ARPP21: variants seen among roughly 807,000 people sequenced by gnomAD.
ARPP21 encodes the protein cAMP-regulated phosphoprotein 21.
Under a neutral mutation model 113.2 loss-of-function variants are expected in ARPP21, and 69 were observed. The ratio of observed to expected loss-of-function variants is 0.61; its 90% CI spans 0.50 to 0.74. The LOEUF is 0.74. ARPP21 is among the 30% of genes least tolerant of loss of function. The pLI is 0.00. For missense variants in ARPP21, 1,070 were observed against 1,037.4 expected (o/e 1.03, Z -0.43); for synonymous variants, 368 against 375.5 (o/e 0.98, Z 0.23).
At chr3:35,758,015 T>G (rs1050474055) in intron 19 of ARPP21, among the ~76,000 whole-genome samples, 2 of 152,154 alleles carry the variant, frequency 1.3e-5, no homozygotes, top group African/African-American at 4.8e-5. Context: ...GAATCAACTG[T>G]GTTTTTACAT....
intron 15 of ARPP21, among the ~76,000 whole-genome samples, chr3:35,735,757 A>T (rs2094311087): frequency 6.6e-6 from 1 of 152,214 alleles, no homozygotes; most frequent in Non-Finnish European, 1.5e-5. Context: ...CAACTTGTGA[A>T]CAAATATTCC....
chr3:35,717,454 ATT>A (rs2092571313), intron 13 of ARPP21, 97 bp downstream of exon 13: 2 of 789,364 alleles, frequency 2.5e-6, no homozygotes, highest in Non-Finnish European at 2.2e-6. Flanking sequence ...ATATCTGTTC[ATT>A]TAAAAAAGTC....
intron 1 of ARPP21, among the ~76,000 whole-genome samples, chr3:35,646,214 C>A (rs1169276844): frequency 6.6e-6 from 1 of 151,962 alleles, no homozygotes; most frequent in Non-Finnish European, 1.5e-5. Context: ...CCCATAAATT[C>A]AATGGAAAAA....
At chr3:35,736,275 G>T (rs766765799) in intron 15 of ARPP21, among the ~76,000 whole-genome samples, 7 of 152,106 alleles carry the variant, frequency 4.6e-5, no homozygotes, top group Non-Finnish European at 1.0e-4. Flanking sequence ...AAATCGGTTT[G>T]TTCTCTCCTT....
intron 1 of ARPP21, among the ~76,000 whole-genome samples, chr3:35,645,122 A>T (rs1369530597): frequency 1.3e-5 from 2 of 151,902 alleles, no homozygotes; most frequent in Non-Finnish European, 2.9e-5. Context: ...TGTTCCTGTT[A>T]TCTAGCAAAA....
At chr3:35,673,729 GA>G (rs1335352225) in intron 1 of ARPP21, among the ~76,000 whole-genome samples, 1 of 151,716 alleles carries the variant, frequency 6.6e-6, no homozygotes, top group Non-Finnish European at 1.5e-5. Context: ...AACTTTCTTT[GA>G]GAAAGGTTTT....
At chr3:35,716,713 G>A (rs760241583) in intron 12 of ARPP21, among the ~76,000 whole-genome samples, 18 of 151,962 alleles carry the variant, frequency 1.2e-4, no homozygotes, top group African/African-American at 2.7e-4. Context: ...TTATTCTCTC[G>A]TCTTCTAGCC....
chr3:35,705,539 G>C (rs2088556892), intron 9 of ARPP21, among the ~76,000 whole-genome samples: 1 of 152,094 alleles, frequency 6.6e-6, no homozygotes, highest in African/African-American at 2.4e-5. Flanking sequence ...TCTTTATCTT[G>C]AGGTTTGAGG....
intron 10 of ARPP21, 75 bp from the exon 11 acceptor site, chr3:35,708,894 A>T: frequency 1.1e-6 from 1 of 926,942 alleles, no homozygotes; most frequent in Non-Finnish European, 1.7e-6. Context: ...TATTATTCTT[A>T]GCTGACAGTT....
chr3:35,661,227 C>T (rs1707665032), intron 1 of ARPP21, among the ~76,000 whole-genome samples: 1 of 152,196 alleles, frequency 6.6e-6, no homozygotes, highest in Non-Finnish European at 1.5e-5. Flanking sequence ...CCTTGTAAAA[C>T]ATCAAATACA....
intron 9 of ARPP21, among the ~76,000 whole-genome samples, chr3:35,695,758 TA>T (rs1487545503): frequency 1.3e-5 from 2 of 151,548 alleles, no homozygotes; most frequent in Non-Finnish European, 3.0e-5. Context: ...GAACATAAGA[TA>T]AAAATCTCTA....
chr3:35,715,520 C>T (rs1257403591), intron 12 of ARPP21, 44 bp downstream of exon 12: 2 of 1,484,892 alleles, frequency 1.3e-6, no homozygotes, highest in Non-Finnish European at 1.9e-6. Context: ...GGAACAACGT[C>T]TGTCATGTGT....
At chr3:35,727,328 A>G (rs1376419672) in intron 14 of ARPP21, among the ~76,000 whole-genome samples, 1 of 152,224 alleles carries the variant, frequency 6.6e-6, no homozygotes, top group Non-Finnish European at 1.5e-5. Flanking sequence ...TTATCTAGCT[A>G]TATCTAGCTG....
intron 1 of ARPP21, among the ~76,000 whole-genome samples, chr3:35,670,219 G>T (rs931076431): frequency 3.3e-5 from 5 of 151,990 alleles, no homozygotes; most frequent in Admixed American, 6.6e-5. Context: ...TTTGACTCTG[G>T]CTTGCTAGGA....
chr3:35,738,073 C>A (rs1243413240), intron 16 of ARPP21, 141 bp from the exon 17 acceptor site: 2 of 587,404 alleles, frequency 3.4e-6, no homozygotes, highest in African/African-American at 3.7e-5. Context: ...TCTTTCAGAG[C>A]CTTGACTTTC....
chr3:35,759,794 G>A (rs116344191), intron 19 of ARPP21, among the ~76,000 whole-genome samples: 7,805 of 151,518 alleles, frequency 0.052, 636 homozygotes, highest in African/African-American at 0.18. Flanking sequence ...GATTTCTTCC[G>A]AAGCGTTTCT....
intron 15 of ARPP21, among the ~76,000 whole-genome samples, chr3:35,734,265 G>A (rs1003626298): frequency 1.2e-4 from 18 of 152,172 alleles, no homozygotes; most frequent in Middle Eastern, 3.4e-3. Flanking sequence ...TTAAAGATTA[G>A]AACACTAAAT....
chr3:35,654,609 A>T (rs1316496334), intron 1 of ARPP21, among the ~76,000 whole-genome samples: 7 of 152,108 alleles, frequency 4.6e-5, no homozygotes, highest in African/African-American at 1.7e-4. Flanking sequence ...CAAGCAAACC[A>T]AACACCTGGA....
intron 19 of ARPP21, among the ~76,000 whole-genome samples, chr3:35,790,896 G>A (rs1231501300): frequency 1.3e-5 from 2 of 152,166 alleles, no homozygotes; most frequent in East Asian, 3.9e-4. Context: ...GACACATAAG[G>A]AAGGTCAAAG....
Sources: gnomAD v4.1 joint callset for allele counts (sites outside exome capture counted in the v4.1 genomes callset) on GRCh38, gnomAD v4.1.1 for gene constraint, MANE v1.5 for transcripts, NCBI Gene and HGNC (gene_info 2026-07-23, HGNC 2026-07-21) for gene names.